Variants in ADD3 observed in about 807,000 individuals in gnomAD.
ADD3 encodes adducin 3.
Under a neutral mutation model 80.2 loss-of-function variants are expected in ADD3, and 25 were observed. That is an observed-to-expected ratio of 0.31 (90% CI 0.23 to 0.44). The LOEUF is 0.44. Ranked by LOEUF, ADD3 falls within the 20% of genes least tolerant of loss-of-function variation. The pLI is 1.00. For missense variants in ADD3, 829 were observed against 847.5 expected (o/e 0.98, Z 0.27); for synonymous variants, 284 against 289.6 (o/e 0.98, Z 0.20).
intron 1 of ADD3, among the ~76,000 whole-genome samples, chr10:110,035,578 CCT>C (rs1855541761): frequency 6.6e-6 from 1 of 152,038 alleles, no homozygotes; most frequent in South Asian, 2.1e-4. Flanking sequence ...GTAGTTTGAC[CCT>C]CTCTCTTTTC....
upstream of ADD3, among the ~76,000 whole-genome samples, chr10:110,003,429 A>C (rs1232314822): frequency 6.6e-6 from 1 of 152,160 alleles, no homozygotes; most frequent in Non-Finnish European, 1.5e-5. Flanking sequence ...TGAACTAGAT[A>C]ATTGATTTTA....
chr10:110,071,547 CAG>C (rs1306723882), intron 1 of ADD3, among the ~76,000 whole-genome samples: 3 of 152,170 alleles, frequency 2.0e-5, no homozygotes, highest in African/African-American at 4.8e-5. Flanking sequence ...TTTCCCAAAA[CAG>C]AAATTATTCA....
chr10:110,077,362 A>G (rs1274308593), intron 1 of ADD3, among the ~76,000 whole-genome samples: 2 of 151,734 alleles, frequency 1.3e-5, no homozygotes, highest in Admixed American at 6.6e-5. Context: ...TGGGGATGAC[A>G]CTGACTGTTC....
At chr10:110,015,953 A>C (rs1286410487) in intron 1 of ADD3, among the ~76,000 whole-genome samples, 1 of 152,092 alleles carries the variant, frequency 6.6e-6, no homozygotes, top group Non-Finnish European at 1.5e-5. Flanking sequence ...GATAGTAATA[A>C]CCTCTGAGAA....
chr10:110,116,311 A>G lies in ADD3; in HGVS notation c.387A>G (p.Ser129=), dbSNP rs541174910. 7 of 1,614,096 alleles carry G rather than the reference A, an allele frequency of 4.3e-6. No homozygotes were observed. Among genetic ancestry groups the G allele is most frequent in the African/African-American group, 1.3e-5 (1 of 75,026 alleles). The part of the protein sequence containing the change: ...INDLPGADTS[S]YVKGEKLTRC... ...ACCTTCCTGGTGCAGATACATCCTC[A>G]TATGTGAAGGGAGAAAAACTTACTC... Residue 129 remains serine (S), a synonymous_variant, in exon 4 of 15, where the codon TCA becomes TCG. Transcript: ENST00000356080.
intron 2 of ADD3, among the ~76,000 whole-genome samples, chr10:110,110,928 G>A (rs1849935042): frequency 6.6e-6 from 1 of 151,998 alleles, no homozygotes; most frequent in Admixed American, 6.6e-5. Flanking sequence ...CCAGGAGGTG[G>A]AGGTTGCAGT....
At chr10:110,010,733 AT>A (rs1333901944) in intron 1 of ADD3, among the ~76,000 whole-genome samples, 4 of 152,232 alleles carry the variant, frequency 2.6e-5, no homozygotes, top group African/African-American at 9.6e-5. Flanking sequence ...GAGGTTAAGT[AT>A]CTTCCCAAGG....
At chr10:110,040,955 T>TCTCTCG (rs757601826) in intron 1 of ADD3, among the ~76,000 whole-genome samples, 3,430 of 27,006 alleles carry the variant, frequency 0.13, 66 homozygotes, top group Non-Finnish European at 0.34. Flanking sequence ...GCTCTCTCTG[T>TCTCTCG]CTCTCTCTGT....
At position 110,128,446 on chromosome 10, in the gene ADD3, C is replaced by T. The variant is rs541628106; in HGVS notation, c.1609-1917C>T. Reference sequence around the variant, plus strand: ...ATTTATTTTTTTTGAGATGGAGTCTCGCACTGTTGCCCAGGCTAGAGTGCA... The same window carrying T: ...ATTTATTTTTTTTGAGATGGAGTCTTGCACTGTTGCCCAGGCTAGAGTGCA... On this transcript the variant is annotated intron_variant, in intron 12 of 14. Coordinates refer to ENST00000356080, the MANE Select transcript of ADD3 (RefSeq NM_016824.5). Among the ~76,000 whole-genome samples, 10 of 151,888 alleles carry T rather than the reference C, an allele frequency of 6.6e-5. No individual in the cohort carries two copies. The South Asian group carries it at 1.9e-3, about 28-fold the overall frequency.
chr10:110,112,383 G>A (rs1405128414), intron 2 of ADD3: 1 of 156,500 alleles, frequency 6.4e-6, no homozygotes, highest in African/African-American at 2.4e-5. Context: ...GCCTCCCAAA[G>A]TGCTGAGATT....
intron 1 of ADD3, among the ~76,000 whole-genome samples, chr10:110,081,499 G>T (rs988493804): frequency 3.9e-5 from 6 of 152,144 alleles, no homozygotes; most frequent in African/African-American, 1.4e-4. Context: ...TATGTTTTCA[G>T]TGTTTAAAAA....
chr10:110,007,183 T>C (rs772412559), upstream of ADD3, among the ~76,000 whole-genome samples: 2 of 152,194 alleles, frequency 1.3e-5, no homozygotes, highest in Non-Finnish European at 2.9e-5. Context: ...GCCTCGACTT[T>C]TCGCCTCAAA....
chr10:110,077,542 T>TA (rs1445671112), intron 1 of ADD3, among the ~76,000 whole-genome samples: 2 of 151,954 alleles, frequency 1.3e-5, no homozygotes, highest in Non-Finnish European at 1.5e-5. Context: ...TTCATTGAAT[T>TA]AAAAAAAAGG....
intron 9 of ADD3, among the ~76,000 whole-genome samples, chr10:110,123,386 A>T (rs1224418171): frequency 6.7e-6 from 1 of 150,298 alleles, no homozygotes; most frequent in Non-Finnish European, 1.5e-5. Context: ...GTTGTCTTTC[A>T]TCTTTTTTAT....
At chr10:110,101,972 T>A (rs1848863090) in intron 2 of ADD3, among the ~76,000 whole-genome samples, 1 of 152,198 alleles carries the variant, frequency 6.6e-6, no homozygotes, top group Admixed American at 6.5e-5. Flanking sequence ...ATTTTTGTTG[T>A]GTCCTTGTGA....
intron 1 of ADD3, among the ~76,000 whole-genome samples, chr10:110,023,572 G>A (rs1222804194): frequency 3.9e-5 from 6 of 152,176 alleles, no homozygotes; most frequent in Non-Finnish European, 5.9e-5. Flanking sequence ...TGTGGCATTT[G>A]ACTCCATTTC....
intron 1 of ADD3, among the ~76,000 whole-genome samples, chr10:110,088,868 T>C (rs1193697984): frequency 6.6e-6 from 1 of 152,172 alleles, no homozygotes; most frequent in Non-Finnish European, 1.5e-5. Flanking sequence ...GTATTAGGAA[T>C]GGAACACAGA....
chr10:110,130,588 G>T (rs1852834343), intron 13 of ADD3, 102 bp downstream of exon 13: 4 of 1,293,974 alleles, frequency 3.1e-6, no homozygotes, highest in Admixed American at 2.0e-5. Flanking sequence ...GGGCACAATG[G>T]CTCACACCTG....
intron 1 of ADD3, among the ~76,000 whole-genome samples, chr10:110,098,622 C>T (rs1472831650): frequency 6.6e-6 from 1 of 151,966 alleles, no homozygotes; most frequent in Admixed American, 6.6e-5. Context: ...GAACTATTTT[C>T]ATGAATACAG....
Sources: allele counts gnomAD v4.1 joint callset (sites outside exome capture counted in the v4.1 genomes callset), GRCh38; gene constraint gnomAD v4.1.1; transcripts MANE v1.5; gene names NCBI Gene and HGNC (gene_info 2026-07-23, HGNC 2026-07-21).